The following LRBA variants were observed in gnomAD, a reference collection of about 807,000 sequenced individuals.
LRBA encodes the protein lipopolysaccharide-responsive and beige-like anchor protein.
Under a neutral mutation model 330.0 loss-of-function variants are expected in LRBA, and 176 were observed. The ratio of observed to expected loss-of-function variants is 0.53; its 90% confidence interval spans 0.47 to 0.60. The LOEUF (loss-of-function observed/expected upper bound fraction) is 0.60. LRBA is among the 20% of genes least tolerant of loss of function. LRBA has a pLI of 0.00. For missense variants in LRBA, 3,259 were observed against 3,444.8 expected (o/e 0.95, Z 1.35); for synonymous variants, 1,230 against 1,193.0 (o/e 1.03, Z -0.64).
intron 2 of LRBA, chr4:150,970,554 TGTACACACACACACACAC>T (rs1739448996): frequency 1.0e-5 from 1 of 99,660 alleles, no homozygotes; most frequent in Non-Finnish European, 2.0e-5. Flanking sequence ...TGTGTGTGTG[TGTACACACACACACACAC>T]ACACACACAC....
intron 47 of LRBA, among the ~76,000 whole-genome samples, chr4:150,371,182 A>ATTTTTTTTTTTTTTTTTTTTTTT (rs70937395): frequency 1.1e-4 from 10 of 91,926 alleles, no homozygotes; most frequent in African/African-American, 4.8e-4. Context: ...AAGCTACTAA[A>ATTTTTTTTTTTTTTTTTTTTTTT]TTTTTTTTTT....
At chr4:151,013,425 T>C (rs1470023070) in intron 2 of LRBA, 1 of 152,186 alleles carries the variant, frequency 6.6e-6, no homozygotes, top group Non-Finnish European at 1.5e-5. Flanking sequence ...TCCAGCTACT[T>C]AGGAGACAAG....
intron 37 of LRBA, among the ~76,000 whole-genome samples, chr4:150,677,940 C>T (rs1250768784): frequency 6.6e-6 from 1 of 151,954 alleles, no homozygotes; most frequent in Non-Finnish European, 1.5e-5. Context: ...ATTTTTCTAG[C>T]CATTAAAAGT....
chr4:150,957,180 T>G (rs1307135430), intron 2 of LRBA, among the ~76,000 whole-genome samples: 1 of 148,664 alleles, frequency 6.7e-6, no homozygotes, highest in Non-Finnish European at 1.5e-5. Context: ...TAGTCTGTTC[T>G]CACACTGCTA....
At chr4:150,806,079 A>G (rs899187291) in intron 33 of LRBA, among the ~76,000 whole-genome samples, 192 bp downstream of exon 33, 2 of 152,088 alleles carry the variant, frequency 1.3e-5, no homozygotes, top group African/African-American at 4.8e-5. Flanking sequence ...CTCCATCCAA[A>G]TCACTGATAA....
At chr4:150,432,759 C>A (rs1750607489) in intron 46 of LRBA, among the ~76,000 whole-genome samples, 3 of 152,000 alleles carry the variant, frequency 2.0e-5, no homozygotes, top group South Asian at 4.2e-4. Flanking sequence ...TTTAAATATA[C>A]TTTCTAAGGT....
At chr4:150,777,209 T>C (rs532522907) in intron 34 of LRBA, among the ~76,000 whole-genome samples, 34 of 152,176 alleles carry the variant, frequency 2.2e-4, no homozygotes, top group African/African-American at 7.2e-4. Context: ...TCCTCCTGCC[T>C]TGGCCTCCCA....
intron 46 of LRBA, among the ~76,000 whole-genome samples, chr4:150,431,256 CAATTTT>C (rs2151982840): frequency 6.6e-6 from 1 of 152,254 alleles, no homozygotes; most frequent in South Asian, 2.1e-4. Context: ...TTCTCCAACC[CAATTTT>C]AATACTTTGT....
intron 2 of LRBA, among the ~76,000 whole-genome samples, chr4:150,982,294 C>G (rs1255795861): frequency 1.3e-5 from 2 of 152,044 alleles, no homozygotes; most frequent in African/African-American, 4.8e-5. Flanking sequence ...AAAGTACTTA[C>G]GTACATTGTG....
At chr4:150,611,221 C>T (rs1186281317) in intron 37 of LRBA, among the ~76,000 whole-genome samples, 1 of 152,166 alleles carries the variant, frequency 6.6e-6, no homozygotes, top group East Asian at 1.9e-4. Context: ...CTAAAATTTA[C>T]TGACTGCCAA....
intron 37 of LRBA, among the ~76,000 whole-genome samples, chr4:150,646,404 C>T (rs1779141831): frequency 6.6e-6 from 1 of 151,876 alleles, no homozygotes; most frequent in African/African-American, 2.4e-5. Flanking sequence ...TGGTTTAGGC[C>T]AATTAGATAC....
chr4:150,492,061 TAAC>T (rs1015371570), intron 40 of LRBA, among the ~76,000 whole-genome samples: 4 of 151,600 alleles, frequency 2.6e-5, no homozygotes, highest in African/African-American at 9.7e-5. Context: ...AGAGGTAAAA[TAAC>T]GAGTAGTAAA....
At chr4:150,825,522 A>T (rs1338148761) in intron 30 of LRBA, among the ~76,000 whole-genome samples, 1 of 151,994 alleles carries the variant, frequency 6.6e-6, no homozygotes, top group Admixed American at 6.6e-5. Flanking sequence ...ACCCGCCACC[A>T]CGCGTAGATA....
At chr4:150,340,940 G>C (rs1735453089) in intron 48 of LRBA, among the ~76,000 whole-genome samples, 1 of 152,102 alleles carries the variant, frequency 6.6e-6, no homozygotes, top group African/African-American at 2.4e-5. Flanking sequence ...TTTATTCTAT[G>C]TTTGATGTGA....
chr4:150,525,177 A>G (rs1330281239), intron 40 of LRBA, among the ~76,000 whole-genome samples: 1 of 152,164 alleles, frequency 6.6e-6, no homozygotes, highest in East Asian at 1.9e-4. Flanking sequence ...TCAGCTATGG[A>G]GTGAGCATCA....
chr4:150,339,941 G>A lies in LRBA; in HGVS notation c.7362+10051C>T, dbSNP rs1418453902. On this transcript the variant is annotated intron_variant, in intron 48 of 56. Transcript: ENST00000651943. ...AGTTCCCACAATCCCCACATCGTGAGAAGGACCCCGTCGGAGGTAACTGAA... is the reference window on the plus strand; with the variant it reads ...AGTTCCCACAATCCCCACATCGTGAAAAGGACCCCGTCGGAGGTAACTGAA... 2.0e-5 allele frequency among the ~76,000 whole-genome samples: 3 copies of A among 150,898 alleles called. No individual in the cohort carries two copies. The East Asian group carries it at 5.9e-4, about 29-fold the overall frequency.
intron 34 of LRBA, among the ~76,000 whole-genome samples, chr4:150,783,857 C>A (rs868184631): frequency 1.1e-4 from 17 of 152,212 alleles, no homozygotes; most frequent in African/African-American, 1.9e-4. Flanking sequence ...AATAAAACAG[C>A]TATTAAGAGG....
chr4:150,611,189 G>T (rs1276089325), intron 37 of LRBA, among the ~76,000 whole-genome samples: 1 of 152,160 alleles, frequency 6.6e-6, no homozygotes, highest in East Asian at 1.9e-4. Context: ...ATTACATTAT[G>T]CTCCTGGAAA....
chr4:150,841,067 C>T lies in LRBA; in HGVS notation c.4569+3033G>A, dbSNP rs1749000256. 3.2e-6 allele frequency: 3 copies of T among 928,586 alleles called. No individual in the cohort carries two copies. In the African/African-American group the frequency reaches 5.2e-5, roughly 16 times the overall value. The allele number at this position is 928,586 out of a possible 1,614,324, so 57.5% of individuals were successfully genotyped here. Reference sequence around the variant, plus strand: ...TGACTTCTTAGTCTGTTGGAAAAAACAAAGGTACATTTGTCTTTTTTATAA... The same window carrying T: ...TGACTTCTTAGTCTGTTGGAAAAAATAAAGGTACATTTGTCTTTTTTATAA... On this transcript the variant is annotated intron_variant, in intron 28 of 56. Coordinates refer to ENST00000651943, the MANE Select transcript of LRBA (RefSeq NM_001364905.1).
Sources: gnomAD v4.1 joint callset for allele counts (sites outside exome capture counted in the v4.1 genomes callset) on GRCh38, gnomAD v4.1.1 for gene constraint, MANE v1.5 for transcripts, NCBI Gene and HGNC (gene_info 2026-07-23, HGNC 2026-07-21) for gene names.